The following PRKCB variants were observed in gnomAD, a reference collection of about 807,000 sequenced individuals.
PRKCB encodes protein kinase C beta type.
PRKCB carries 13 observed loss-of-function variants against 81.5 expected under a neutral mutation model. The ratio of observed to expected loss-of-function variants is 0.16; its 90% CI spans 0.10 to 0.25. The LOEUF (loss-of-function observed/expected upper bound fraction) is 0.25, where lower values mean the gene tolerates loss of function less well. Ranked by LOEUF, PRKCB falls within the 10% of genes least tolerant of loss-of-function variation. The probability of loss-of-function intolerance (pLI) is 1.00; values close to 1 mark genes in which losing one functional copy is unlikely to be tolerated. For synonymous variants in PRKCB, 335 were observed against 321.4 expected (o/e 1.04, Z -0.45); for missense variants, 509 against 875.7 (o/e 0.58, Z 5.29).
At chr16:24,166,303 A>T (rs540558173) in intron 10 of PRKCB, among the ~76,000 whole-genome samples, 47 of 152,338 alleles carry the variant, frequency 3.1e-4, no homozygotes, top group African/African-American at 1.1e-3. Flanking sequence ...AAATATTTTT[A>T]AAAAATAAGT....
At chr16:24,145,015 G>C (rs1966968304) in intron 9 of PRKCB, among the ~76,000 whole-genome samples, 1 of 152,138 alleles carries the variant, frequency 6.6e-6, no homozygotes. Context: ...GAGGGGAAGG[G>C]GATGGAAAGT....
Position 24,216,159 on chromosome 16 carries a change from G to A in PRKCB, c.*1343G>A, listed in dbSNP as rs1199078859. ...TGTTCAGCCACTCGGAGGGGCGGGG[G>A]CTGTGGCCCATTCAGGGGCTGCTGG... On this transcript the variant is annotated 3_prime_UTR_variant, in exon 17 of 17. Transcript: ENST00000643927. The A allele has an allele frequency of 1.0e-6, 1 of 985,564 alleles. No individual in the cohort carries two copies. Among genetic ancestry groups the A allele is most frequent in the Non-Finnish European group, 1.2e-6 (1 of 830,050 alleles). The allele number at this position is 985,564 out of a possible 1,614,324, so 61.1% of individuals were successfully genotyped here.
At chr16:23,889,542 T>C (rs1368836213) in intron 2 of PRKCB, among the ~76,000 whole-genome samples, 1 of 152,232 alleles carries the variant, frequency 6.6e-6, no homozygotes, top group East Asian at 1.9e-4. Context: ...TGCAGGCCAA[T>C]GGTAGGATTG....
intron 2 of PRKCB, among the ~76,000 whole-genome samples, chr16:23,900,146 A>C (rs898093238): frequency 6.6e-5 from 10 of 152,184 alleles, no homozygotes; most frequent in African/African-American, 2.4e-4. Flanking sequence ...CAGGGATGCT[A>C]CTGAACAAAA....
chr16:24,129,595 A>G (rs1430626891), intron 9 of PRKCB, among the ~76,000 whole-genome samples: 1 of 151,898 alleles, frequency 6.6e-6, no homozygotes, highest in Non-Finnish European at 1.5e-5. Flanking sequence ...TCTTTCTGTT[A>G]TCTATCTACC....
chr16:24,160,190 GTT>G (rs11305626), intron 10 of PRKCB, among the ~76,000 whole-genome samples: 4,729 of 115,310 alleles, frequency 0.041, 110 homozygotes, highest in African/African-American at 0.073. Flanking sequence ...CCCTTTGGGT[GTT>G]TTTTTTTTTT....
intron 3 of PRKCB, among the ~76,000 whole-genome samples, chr16:24,021,093 T>TCTTTCTTTC (rs1965375922): frequency 7.3e-6 from 1 of 137,620 alleles, no homozygotes; most frequent in East Asian, 2.1e-4. Flanking sequence ...CTTTCTTTTT[T>TCTTTCTTTC]TCTTTCTTTC....
Position 23,987,401 on chromosome 16 carries a change from TG to T in PRKCB, c.206-1098del, listed in dbSNP as rs35320865. On this transcript the variant is annotated intron_variant, in intron 2 of 16. Coordinates refer to ENST00000643927, the MANE Select transcript of PRKCB (RefSeq NM_002738.7). ...CTACATTCTGGGTATTTGGTTGGGG[TG>T]GGGGGGGGTGTGTTTGCTGATCGCA... Among the ~76,000 whole-genome samples the T allele has an allele frequency of 6.6e-4, 84 of 127,060 alleles. 1 individual carries two copies. The highest frequency in any genetic ancestry group is 1.2e-3 in the African/African-American group (42 of 34,452). 83.4% of individuals were successfully genotyped at this position (127,060 alleles called of 152,430 possible).
In PRKCB at chr16:24,217,726, G is replaced by A. The variant is rs977527124; in HGVS notation, c.*2910G>A. The stretch of plus-strand genomic sequence containing the variant: ...GGGAATCTTTGATAAGAGGCCCACA[G>A]GCAGGGAAAGCGAAATAGGGTTGAT... On this transcript the variant is annotated 3_prime_UTR_variant, in exon 17 of 17. Transcript: ENST00000643927. 6.1e-6 allele frequency: 6 copies of A among 985,346 alleles called. No individual in the cohort carries two copies. In the African/African-American group the frequency reaches 7.0e-5, roughly 11 times the overall value. The allele number at this position is 985,346 out of a possible 1,614,324, so 61.0% of individuals were successfully genotyped here.
chr16:23,844,937 G>A (rs1345961388), intron 2 of PRKCB, among the ~76,000 whole-genome samples: 3 of 152,094 alleles, frequency 2.0e-5, no homozygotes, highest in Admixed American at 1.3e-4. Flanking sequence ...AAGTAGCTGC[G>A]ATTACAGGTG....
At chr16:23,897,752 C>A (rs1963402340) in intron 2 of PRKCB, among the ~76,000 whole-genome samples, 1 of 152,276 alleles carries the variant, frequency 6.6e-6, no homozygotes, top group East Asian at 1.9e-4. Flanking sequence ...TCTCAACACT[C>A]TATATATCTT....
intron 7 of PRKCB, among the ~76,000 whole-genome samples, chr16:24,112,635 A>C (rs1358001022): frequency 6.6e-6 from 1 of 152,242 alleles, no homozygotes; most frequent in African/African-American, 2.4e-5. Context: ...ATGGACAAAA[A>C]GTAGGTAAAA....
rs1046940990 is a variant in PRKCB, at chr16:24,215,606, C to G, written c.*790C>G. The G allele has an allele frequency of 1.2e-5, 12 of 984,228 alleles. No individual in the cohort carries two copies. The highest frequency in any genetic ancestry group is 1.8e-5 in the African/African-American group (1 of 56,714). 61.0% of individuals were successfully genotyped at this position (984,228 alleles called of 1,614,324 possible). On this transcript the variant is annotated 3_prime_UTR_variant, in exon 17 of 17. Coordinates refer to ENST00000643927, the MANE Select transcript of PRKCB (RefSeq NM_002738.7). ...TACATTACATTTCAAACTTTATTTG[C>G]TTTGGGGTTTTGTTTCTGTTGTTGT... is the stretch of plus-strand genomic sequence containing the variant.
At chr16:24,209,350 G>A (rs1286364652) in intron 16 of PRKCB, among the ~76,000 whole-genome samples, 1 of 152,022 alleles carries the variant, frequency 6.6e-6, no homozygotes, top group Non-Finnish European at 1.5e-5. Flanking sequence ...TCCTGTGGAT[G>A]ACTGCGGCAG....
intron 2 of PRKCB, among the ~76,000 whole-genome samples, chr16:23,888,916 T>C (rs1037439865): frequency 5.9e-5 from 9 of 152,182 alleles, no homozygotes; most frequent in African/African-American, 1.9e-4. Context: ...GTTGAGAATG[T>C]AAGTGGTGAC....
chr16:23,938,832 A>G (rs1049905492), intron 2 of PRKCB, among the ~76,000 whole-genome samples: 5 of 152,256 alleles, frequency 3.3e-5, no homozygotes, highest in Admixed American at 2.6e-4. Context: ...CGTGTTCAAC[A>G]TAGTGCTGTA....
intron 2 of PRKCB, among the ~76,000 whole-genome samples, chr16:23,926,652 C>T (rs1028769792): frequency 6.7e-6 from 1 of 150,228 alleles, no homozygotes; most frequent in African/African-American, 2.4e-5. Flanking sequence ...TATATACACA[C>T]AATGATATGT....
At chr16:24,119,320 A>C (rs1443055734) in intron 8 of PRKCB, among the ~76,000 whole-genome samples, 1 of 152,108 alleles carries the variant, frequency 6.6e-6, no homozygotes, top group African/African-American at 2.4e-5. Flanking sequence ...TTGAAGGACA[A>C]GGAAAAAATC....
intron 5 of PRKCB, among the ~76,000 whole-genome samples, chr16:24,064,473 G>A (rs1325240408): frequency 6.6e-6 from 1 of 152,152 alleles, no homozygotes; most frequent in Admixed American, 6.5e-5. Flanking sequence ...TTCCACCACA[G>A]TCTGAAAACA....
Sources: gnomAD v4.1 joint callset for allele counts (sites outside exome capture counted in the v4.1 genomes callset) on GRCh38, gnomAD v4.1.1 for gene constraint, MANE v1.5 for transcripts, NCBI Gene and HGNC (gene_info 2026-07-23, HGNC 2026-07-21) for gene names.